Variants in PARP16 observed in about 807,000 individuals in gnomAD.
The protein encoded by PARP16 is protein mono-ADP-ribosyltransferase PARP16.
Under a neutral mutation model 35.0 loss-of-function variants are expected in PARP16, and 31 were observed. The observed-to-expected ratio is 0.88, with a 90% CI of 0.66 to 1.19. PARP16 has a LOEUF of 1.19. PARP16 is among the 50% of genes most tolerant of loss of function. The probability of loss-of-function intolerance (pLI) is 0.00; values close to 1 mark genes in which losing one functional copy is unlikely to be tolerated. For synonymous variants in PARP16, 162 were observed against 169.5 expected (o/e 0.96, Z 0.34); for missense variants, 424 against 411.2 (o/e 1.03, Z -0.27).
At chr15:65,279,271 A>G (rs755098956) in intron 1 of PARP16, among the ~76,000 whole-genome samples, 2 of 152,232 alleles carry the variant, frequency 1.3e-5, no homozygotes, top group African/African-American at 2.4e-5. Context: ...ACAGCTCAAG[A>G]CAGCGCCACA....
chr15:65,276,692 C>T (rs2090267943), intron 1 of PARP16, among the ~76,000 whole-genome samples: 1 of 152,008 alleles, frequency 6.6e-6, no homozygotes, highest in East Asian at 1.9e-4. Flanking sequence ...GTATAAATAA[C>T]CCATGCAATA....
intron 2 of PARP16, among the ~76,000 whole-genome samples, chr15:65,249,174 C>A (rs908352299): frequency 2.6e-5 from 4 of 152,228 alleles, no homozygotes; most frequent in Non-Finnish European, 4.4e-5. Context: ...CATCTCAAGG[C>A]TGTGGGAATT....
At chr15:65,266,821 T>C in intron 2 of PARP16, 53 bp from the exon 3 acceptor site, 1 of 1,311,164 alleles carries the variant, frequency 7.6e-7, no homozygotes, top group Non-Finnish European at 1.1e-6. Context: ...GTAAATGTGC[T>C]GCAAAAATAG....
downstream of PARP16, among the ~76,000 whole-genome samples, chr15:65,232,433 A>C (rs908847966): frequency 1.3e-5 from 2 of 152,202 alleles, no homozygotes; most frequent in African/African-American, 4.8e-5. Context: ...GAAATCAACA[A>C]AAACTGAAAC....
At chr15:65,269,194 T>G (rs79476436) in intron 2 of PARP16, among the ~76,000 whole-genome samples, 1 of 139,142 alleles carries the variant, frequency 7.2e-6, no homozygotes, top group Non-Finnish European at 1.5e-5. Context: ...CTTTCTTTCT[T>G]TCTTTCTTTC....
intron 2 of PARP16, among the ~76,000 whole-genome samples, chr15:65,267,606 C>G (rs1596026584): frequency 9.4e-6 from 1 of 106,002 alleles, no homozygotes; most frequent in Non-Finnish European, 1.9e-5. Context: ...GACTCCGTCT[C>G]AAAAAATAAA....
intron 1 of PARP16, among the ~76,000 whole-genome samples, chr15:65,282,160 A>G (rs2090439161): frequency 6.6e-6 from 1 of 152,108 alleles, no homozygotes; most frequent in Admixed American, 6.5e-5. Flanking sequence ...ACAGGCGTGC[A>G]CCACCACACA....
At position 65,238,036 on chromosome 15, in the gene PARP16, A is replaced by G. The variant is rs1007118126; in HGVS notation, c.*98-3213T>C. Among the ~76,000 whole-genome samples the G allele has an allele frequency of 2.6e-5, 4 of 152,224 alleles. No individual in the cohort carries two copies. In the East Asian group the frequency reaches 5.8e-4, roughly 22 times the overall value. On this transcript the variant is annotated intron_variant and NMD_transcript_variant, in intron 3 of 3. Transcript: ENST00000559805. The stretch of plus-strand genomic sequence containing the variant: ...CGCAGTGGCTCACGCCTGTAATCCC[A>G]GCACTTTGGGAGGCCGAGGCAGGTG...
At chr15:65,232,916 CAAACAAAA>C (rs1056056870), downstream of PARP16, among the ~76,000 whole-genome samples, 4 of 2,290 alleles carry the variant, frequency 1.7e-3, no homozygotes, top group Non-Finnish European at 4.9e-3. Context: ...CAAAACAAAA[CAAACAAAA>C]AAAACAGTTG....
At chr15:65,279,678 G>A (rs936089314) in intron 1 of PARP16, among the ~76,000 whole-genome samples, 2 of 152,072 alleles carry the variant, frequency 1.3e-5, no homozygotes, top group East Asian at 3.8e-4. Flanking sequence ...GACCTAATAG[G>A]CACTTTTATT....
chr15:65,270,313 C>A (rs2090052705), intron 2 of PARP16, among the ~76,000 whole-genome samples: 1 of 152,176 alleles, frequency 6.6e-6, no homozygotes, highest in African/African-American at 2.4e-5. Context: ...GGGTGACACA[C>A]ATTTTATCAG....
chr15:65,259,485 C>T lies in PARP16; in HGVS notation c.891G>A (p.Leu297=), dbSNP rs1398782837. Residue 297 remains leucine (L), a synonymous_variant, in exon 6 of 6, where the codon CTG becomes CTA. Transcript: ENST00000649807. ...SSHWFTVMIS[L]YLLLLLIVSV... is the part of the protein sequence containing the mutation. ...TCACTATGAGCAGCAGCAGCAGATA[C>T]AGGGATATCATGACGGTAAACCAAT... 2.5e-6 allele frequency: 4 copies of T among 1,613,346 alleles called. No homozygotes were observed. The East Asian group carries it at 8.9e-5, about 36-fold the overall frequency.
chr15:65,257,463 A>G (rs758796271), downstream of PARP16, among the ~76,000 whole-genome samples: 106 of 150,690 alleles, frequency 7.0e-4, 1 homozygote, highest in African/African-American at 2.5e-3. Flanking sequence ...GAAATAAAAT[A>G]AAAATAAAAA....
At chr15:65,257,506 C>T (rs2089551100), downstream of PARP16, among the ~76,000 whole-genome samples, 1 of 150,714 alleles carries the variant, frequency 6.6e-6, no homozygotes, top group African/African-American at 2.4e-5. Context: ...TGGTGTGTGC[C>T]TGTAATCCCA....
downstream of PARP16, among the ~76,000 whole-genome samples, chr15:65,254,888 A>G (rs1359151790): frequency 1.3e-5 from 2 of 152,074 alleles, no homozygotes; most frequent in Admixed American, 6.5e-5. Context: ...CCTCTCTCTC[A>G]TACACTCGTG....
intron 4 of PARP16, 46 bp downstream of exon 4, chr15:65,263,103 C>A (rs1393300883): frequency 6.4e-7 from 1 of 1,573,724 alleles, no homozygotes; most frequent in Non-Finnish European, 8.7e-7. Flanking sequence ...AGCCTGTACA[C>A]CCAACAGAGG....
At chr15:65,285,073 C>T (rs2090543857) in intron 1 of PARP16, among the ~76,000 whole-genome samples, 1 of 151,908 alleles carries the variant, frequency 6.6e-6, no homozygotes, top group South Asian at 2.1e-4. Context: ...GCATGAGCCA[C>T]TCAGCCTTTT....
downstream of PARP16, among the ~76,000 whole-genome samples, chr15:65,232,231 A>G (rs577754387): frequency 6.6e-6 from 1 of 152,282 alleles, no homozygotes; most frequent in Admixed American, 6.5e-5. Flanking sequence ...TGGTGTTTAT[A>G]TCTAGCTCAC....
At chr15:65,275,945 T>C (rs2090240351) in intron 1 of PARP16, among the ~76,000 whole-genome samples, 1 of 152,124 alleles carries the variant, frequency 6.6e-6, no homozygotes, top group Admixed American at 6.6e-5. Context: ...CAACAGTCCA[T>C]ATCTAGGCCC....
Sources: allele counts gnomAD v4.1 joint callset (sites outside exome capture counted in the v4.1 genomes callset), GRCh38; gene constraint gnomAD v4.1.1; transcripts MANE v1.5; gene names NCBI Gene and HGNC (gene_info 2026-07-23, HGNC 2026-07-21).